Variants in LSAMP observed in about 807,000 individuals in gnomAD.
LSAMP encodes the protein limbic system associated membrane protein, also known as limbic system-associated membrane protein.
Under a neutral mutation model 38.6 loss-of-function variants are expected in LSAMP, and 7 were observed. That is an observed-to-expected ratio of 0.18 (90% CI 0.10 to 0.34). The LOEUF (loss-of-function observed/expected upper bound fraction) is 0.34, where lower values mean the gene tolerates loss of function less well. Among genes scored for constraint, LSAMP ranks in the 10% least tolerant of loss-of-function variants. LSAMP has a pLI of 1.00. For missense variants in LSAMP, 313 were observed against 420.0 expected (o/e 0.75, Z 2.23); for synonymous variants, 154 against 166.8 (o/e 0.92, Z 0.59).
intron 6 of LSAMP, among the ~76,000 whole-genome samples, chr3:115,829,452 A>G (rs1230182048): frequency 6.6e-6 from 1 of 152,232 alleles, no homozygotes; most frequent in Non-Finnish European, 1.5e-5. Flanking sequence ...TTTGTTGTAA[A>G]TTGGTGCTGA....
intron 3 of LSAMP, among the ~76,000 whole-genome samples, chr3:115,904,736 G>A (rs1273607288): frequency 6.6e-6 from 1 of 151,998 alleles, no homozygotes; most frequent in Non-Finnish European, 1.5e-5. Context: ...CCTTCCTCTG[G>A]TAACCTGTCT....
chr3:115,963,894 C>T (rs186145836), intron 3 of LSAMP, among the ~76,000 whole-genome samples: 10 of 152,196 alleles, frequency 6.6e-5, no homozygotes, highest in African/African-American at 1.7e-4. Context: ...GCTGGGACCA[C>T]GGGCTCACAC....
intron 3 of LSAMP, among the ~76,000 whole-genome samples, chr3:116,000,981 C>T (rs1289106172): frequency 6.6e-6 from 1 of 152,094 alleles, no homozygotes; most frequent in East Asian, 1.9e-4. Context: ...AACAGTTATG[C>T]AGTTTTCCCA....
chr3:116,246,617 A>G (rs1439376684), intron 1 of LSAMP, among the ~76,000 whole-genome samples: 1 of 152,028 alleles, frequency 6.6e-6, no homozygotes, highest in Non-Finnish European at 1.5e-5. Context: ...CCATCCTTCC[A>G]TTTTTCAGCA....
chr3:115,863,864 C>T (rs764056803), intron 3 of LSAMP, among the ~76,000 whole-genome samples: 11 of 151,950 alleles, frequency 7.2e-5, no homozygotes, highest in African/African-American at 1.2e-4. Flanking sequence ...AAAATCTCTA[C>T]GATTTTTCTA....
At chr3:116,121,023 A>G (rs1708863497) in intron 1 of LSAMP, among the ~76,000 whole-genome samples, 1 of 152,204 alleles carries the variant, frequency 6.6e-6, no homozygotes, top group Non-Finnish European at 1.5e-5. Context: ...CAGGTTAAGA[A>G]CACTCAGACT....
At chr3:116,154,992 A>G (rs554437051) in intron 1 of LSAMP, among the ~76,000 whole-genome samples, 1 of 150,884 alleles carries the variant, frequency 6.6e-6, no homozygotes, top group East Asian at 2.0e-4. Context: ...TCTCAGCTCC[A>G]CTGTCATTTC....
intron 1 of LSAMP, among the ~76,000 whole-genome samples, chr3:116,108,831 G>A (rs1326682537): frequency 6.6e-6 from 1 of 152,180 alleles, no homozygotes; most frequent in Non-Finnish European, 1.5e-5. Flanking sequence ...TGCGGTTCAG[G>A]CATTTGGAAG....
chr3:115,878,543 C>A (rs1217565535), intron 3 of LSAMP, among the ~76,000 whole-genome samples: 1 of 146,042 alleles, frequency 6.8e-6, no homozygotes, highest in East Asian at 2.1e-4. Context: ...CTCACGGCAA[C>A]CTCCGCTTCC....
At chr3:116,218,838 C>G (rs1216577482) in intron 1 of LSAMP, among the ~76,000 whole-genome samples, 1 of 152,172 alleles carries the variant, frequency 6.6e-6, no homozygotes, top group Non-Finnish European at 1.5e-5. Context: ...GCCATGAAAT[C>G]AGTCCTTAGC....
intron 1 of LSAMP, among the ~76,000 whole-genome samples, chr3:116,331,004 G>A (rs1163090666): frequency 6.6e-6 from 1 of 152,066 alleles, no homozygotes; most frequent in Non-Finnish European, 1.5e-5. Flanking sequence ...TCATCTTTAG[G>A]AAGATGTGGA....
At chr3:116,014,077 T>C (rs769202583) in intron 3 of LSAMP, among the ~76,000 whole-genome samples, 8 of 152,192 alleles carry the variant, frequency 5.3e-5, no homozygotes, top group Non-Finnish European at 8.8e-5. Context: ...CAATTACAGA[T>C]GTCCTGACTT....
chr3:115,956,820 T>C (rs1234396766), intron 3 of LSAMP, among the ~76,000 whole-genome samples: 1 of 152,192 alleles, frequency 6.6e-6, no homozygotes, highest in African/African-American at 2.4e-5. Context: ...GTATATAACC[T>C]AGCATGTTAA....
chr3:116,231,493 CATGTGCTTA>C (rs1368380908), intron 1 of LSAMP, among the ~76,000 whole-genome samples: 4 of 152,194 alleles, frequency 2.6e-5, no homozygotes, highest in African/African-American at 9.6e-5. Context: ...AATCAATAAA[CATGTGCTTA>C]ATGGGATCCT....
intron 1 of LSAMP, among the ~76,000 whole-genome samples, chr3:116,336,955 C>T (rs571824727): frequency 6.6e-6 from 1 of 151,240 alleles, no homozygotes; most frequent in South Asian, 2.1e-4. Context: ...CACACACACA[C>T]ATATATATAT....
intron 3 of LSAMP, among the ~76,000 whole-genome samples, chr3:115,887,909 T>A (rs1254311889): frequency 1.3e-5 from 2 of 151,912 alleles, no homozygotes; most frequent in Non-Finnish European, 2.9e-5. Flanking sequence ...AAGTAATATG[T>A]ATTTTAACAT....
At chr3:116,344,139 C>G (rs1278412764) in intron 1 of LSAMP, among the ~76,000 whole-genome samples, 2 of 152,046 alleles carry the variant, frequency 1.3e-5, no homozygotes, top group Non-Finnish European at 1.5e-5. Flanking sequence ...ATGGCACCAC[C>G]TTTTCCCAAA....
intron 3 of LSAMP, among the ~76,000 whole-genome samples, chr3:115,868,308 G>C (rs1935918597): frequency 6.6e-6 from 1 of 152,066 alleles, no homozygotes; most frequent in African/African-American, 2.4e-5. Flanking sequence ...GGCAAGGTTG[G>C]ATCCACACTA....
At chr3:116,013,907 A>G (rs891401667) in intron 3 of LSAMP, among the ~76,000 whole-genome samples, 1 of 151,948 alleles carries the variant, frequency 6.6e-6, no homozygotes, top group South Asian at 2.1e-4. Context: ...TTCTTCCCCT[A>G]TTTTCTTGGC....
Sources: gnomAD v4.1 joint callset for allele counts (sites outside exome capture counted in the v4.1 genomes callset) on GRCh38, gnomAD v4.1.1 for gene constraint, MANE v1.5 for transcripts, NCBI Gene and HGNC (gene_info 2026-07-23, HGNC 2026-07-21) for gene names.